The following FOXJ3 variants were observed in gnomAD, a reference collection of about 807,000 sequenced individuals.
The protein encoded by FOXJ3 is forkhead box J3, also known as forkhead box protein J3.
In FOXJ3, 22 loss-of-function variants were observed where a neutral mutation model predicts 76.1. That is an observed-to-expected ratio of 0.29 (90% CI 0.21 to 0.41). The LOEUF is 0.41. Ranked by LOEUF, FOXJ3 falls within the 10% of genes least tolerant of loss-of-function variation. The probability of loss-of-function intolerance (pLI) is 1.00; values close to 1 mark genes in which losing one functional copy is unlikely to be tolerated. For missense variants in FOXJ3, 613 were observed against 762.1 expected (o/e 0.80, Z 2.30); for synonymous variants, 269 against 261.2 (o/e 1.03, Z -0.29).
intron 2 of FOXJ3, among the ~76,000 whole-genome samples, chr1:42,309,808 T>C (rs1051926945): frequency 9.9e-5 from 15 of 152,156 alleles, no homozygotes; most frequent in Admixed American, 8.5e-4. Flanking sequence ...ACCACGACAA[T>C]CCCTCAGGGG....
intron 1 of FOXJ3, among the ~76,000 whole-genome samples, chr1:42,334,372 C>T (rs1257509586): frequency 6.6e-6 from 1 of 152,192 alleles, no homozygotes; most frequent in Non-Finnish European, 1.5e-5. Context: ...AGAGGAAAAA[C>T]CATCCCGTTA....
At chr1:42,237,911 TACACACACACAC>T (rs60804378) in intron 4 of FOXJ3, among the ~76,000 whole-genome samples, 5,895 of 150,706 alleles carry the variant, frequency 0.039, 148 homozygotes, top group South Asian at 0.092. Flanking sequence ...TCTATCAAAA[TACACACACACAC>T]ACACACACAC....
chr1:42,325,552 A>G (rs536110252), intron 1 of FOXJ3, among the ~76,000 whole-genome samples: 11 of 152,336 alleles, frequency 7.2e-5, no homozygotes, highest in Non-Finnish European at 8.8e-5. Flanking sequence ...CAGATGAGCA[A>G]GCGAATGAGT....
chr1:42,257,225 A>C (rs1018220745), intron 4 of FOXJ3, among the ~76,000 whole-genome samples: 3 of 152,248 alleles, frequency 2.0e-5, no homozygotes, highest in Admixed American at 6.5e-5. Flanking sequence ...TCCCAAAGAA[A>C]GATCACAAGA....
intron 2 of FOXJ3, among the ~76,000 whole-genome samples, chr1:42,279,536 G>A (rs1652541386): frequency 6.6e-6 from 1 of 152,126 alleles, no homozygotes; most frequent in South Asian, 2.1e-4. Flanking sequence ...CTCCAAAGCT[G>A]AAAAATTCAG....
intron 1 of FOXJ3, among the ~76,000 whole-genome samples, chr1:42,333,396 G>T (rs1250683633): frequency 1.3e-5 from 2 of 151,848 alleles, no homozygotes; most frequent in Admixed American, 6.6e-5. Flanking sequence ...AAATAAACAC[G>T]TTCTAGCCTC....
intron 4 of FOXJ3, among the ~76,000 whole-genome samples, chr1:42,237,425 T>TAC (rs1553161288): frequency 7.0e-4 from 96 of 137,480 alleles, no homozygotes; most frequent in African/African-American, 1.4e-3. Flanking sequence ...TATATATATA[T>TAC]ATACATACAT....
Position 42,285,263 on chromosome 1 carries a change from C to T in FOXJ3, c.45-6591G>A, listed in dbSNP as rs112165943. On this transcript the variant is annotated intron_variant, in intron 2 of 12. Transcript: ENST00000361346. ...ATTAGCTATTCTTCCTGATGCCCTC[C>T]CTCCCCCTACCCCACCCCTGTATTT... 2.0e-4 allele frequency among the ~76,000 whole-genome samples: 30 copies of T among 152,132 alleles called. 1 individual carries two copies. The highest frequency in any genetic ancestry group is 6.3e-4 in the African/African-American group (26 of 41,484).
chr1:42,249,261 T>C (rs1649821667), intron 4 of FOXJ3, among the ~76,000 whole-genome samples: 1 of 152,154 alleles, frequency 6.6e-6, no homozygotes, highest in Admixed American at 6.5e-5. Flanking sequence ...GTAAAAGAAA[T>C]AGACGTAAAT....
At chr1:42,186,674 T>C (rs1646442779) in intron 11 of FOXJ3, among the ~76,000 whole-genome samples, 1 of 152,140 alleles carries the variant, frequency 6.6e-6, no homozygotes, top group Non-Finnish European at 1.5e-5. Flanking sequence ...AAGGAGTGCC[T>C]GGGTACTCTG....
intron 4 of FOXJ3, among the ~76,000 whole-genome samples, chr1:42,261,714 G>A (rs749336955): frequency 1.1e-4 from 16 of 152,148 alleles, no homozygotes; most frequent in Non-Finnish European, 1.9e-4. Flanking sequence ...CTAAGTCATG[G>A]CAGCAGCTAG....
chr1:42,242,823 T>C (rs1430427107), intron 4 of FOXJ3, among the ~76,000 whole-genome samples: 1 of 152,194 alleles, frequency 6.6e-6, no homozygotes, highest in Admixed American at 6.5e-5. Context: ...GCAAGAGATT[T>C]AGACATCCAG....
intron 5 of FOXJ3, among the ~76,000 whole-genome samples, chr1:42,215,315 A>G (rs1183869560): frequency 6.6e-6 from 1 of 152,154 alleles, no homozygotes; most frequent in African/African-American, 2.4e-5. Context: ...AAAATTTTAG[A>G]ATGGAAAAAT....
At chr1:42,305,904 G>A (rs972712306) in intron 2 of FOXJ3, among the ~76,000 whole-genome samples, 1 of 152,170 alleles carries the variant, frequency 6.6e-6, no homozygotes. Context: ...CACTTGAGGT[G>A]ATGAATATAC....
Position 42,179,778 on chromosome 1 carries a change from A to G in FOXJ3, c.1801T>C (p.Phe601Leu). The change falls in exon 13 of 13, where the codon TTC becomes CTC. Residue 601 changes from phenylalanine to leucine, a missense_variant. This residue lies in a region of FOXJ3 where 526 missense variants were observed against 601.4 expected (regional missense o/e 0.87). Transcript: ENST00000361346. Reference protein sequence around the residue: ...NQQHMMPSQAFQMRRSLPPDD... With the variant: ...NQQHMMPSQALQMRRSLPPDD... ...GGAGGCAGGGAACGCCGCATCTGGA[A>G]GGCTTGGGAAGGCATCATGTGCTGC... 3 of 1,614,008 alleles carry G rather than the reference A, an allele frequency of 1.9e-6. No individual in the cohort carries two copies. In the South Asian group the frequency reaches 3.3e-5, roughly 18 times the overall value.
intron 5 of FOXJ3, among the ~76,000 whole-genome samples, chr1:42,224,660 AAAAT>A (rs1263079986): frequency 1.3e-5 from 2 of 152,094 alleles, no homozygotes; most frequent in African/African-American, 4.8e-5. Flanking sequence ...CTCAAAAGAA[AAAAT>A]AAATAAATAA....
chr1:42,182,304 C>T (rs937281892), intron 11 of FOXJ3, among the ~76,000 whole-genome samples: 2 of 152,190 alleles, frequency 1.3e-5, no homozygotes, highest in Non-Finnish European at 2.9e-5. Context: ...CTATCACATA[C>T]CTCATTACAA....
rs758762259 is a variant in FOXJ3, at chr1:42,278,501, T to C, written c.216A>G (p.Gln72=). Residue 72 remains glutamine, a synonymous_variant, in exon 3 of 13, where the codon CAA becomes CAG. Coordinates refer to ENST00000361346, the MANE Select transcript of FOXJ3 (RefSeq NM_014947.5). ...ATGGAGGTTTCCCATCTTTGTGCTGTTGGACTTCTTCCTGGTCCAGAGTTG... is the reference window on the plus strand; with the variant it reads ...ATGGAGGTTTCCCATCTTTGTGCTGCTGGACTTCTTCCTGGTCCAGAGTTG... ...PNTTLDQEEV[Q]QHKDGKPPYS... is the part of the protein sequence containing the mutation. 3.7e-6 allele frequency: 6 copies of C among 1,614,090 alleles called. No individual in the cohort carries two copies. Among genetic ancestry groups the C allele is most frequent in the Middle Eastern group, 1.6e-4 (1 of 6,084 alleles).
chr1:42,227,974 T>C lies in FOXJ3; in HGVS notation c.445-8A>G. 1 of 1,440,736 alleles carries C rather than the reference T, an allele frequency of 6.9e-7. No individual in the cohort carries two copies. The highest frequency in any genetic ancestry group is 1.3e-5 in the South Asian group (1 of 75,494). 89.2% of individuals were successfully genotyped at this position (1,440,736 alleles called of 1,614,324 possible). On this transcript the variant is annotated splice_region_variant and splice_polypyrimidine_tract_variant and intron_variant, in intron 4 of 12. Transcript: ENST00000361346. Reference sequence around the variant, plus strand: ...TATTGCCCAGTAGGACCCCTAGAGGTAAAGAAATTATATTAACAGTATATT... The same window carrying C: ...TATTGCCCAGTAGGACCCCTAGAGGCAAAGAAATTATATTAACAGTATATT...
Sources: allele counts gnomAD v4.1 joint callset (sites outside exome capture counted in the v4.1 genomes callset), GRCh38; gene constraint gnomAD v4.1.1; regional missense constraint gnomAD v4.1.1; transcripts MANE v1.5; gene names NCBI Gene and HGNC (gene_info 2026-07-23, HGNC 2026-07-21).